The following CD163L1 variants were observed in gnomAD, a reference collection of about 807,000 sequenced individuals.
CD163L1 encodes the protein CD163 molecule like 1.
A neutral mutation model predicts 165.4 loss-of-function variants in CD163L1; 124 were observed. The observed-to-expected ratio is 0.75, with a 90% CI of 0.65 to 0.87. The LOEUF (loss-of-function observed/expected upper bound fraction) is 0.87. CD163L1 is among the 40% of genes least tolerant of loss of function. The pLI is 0.00. For missense variants in CD163L1, 1,525 were observed against 1,799.9 expected (o/e 0.85, Z 2.76); for synonymous variants, 585 against 662.2 (o/e 0.88, Z 1.79).
intron 2 of CD163L1, among the ~76,000 whole-genome samples, chr12:7,436,646 T>A (rs1480046921): frequency 6.6e-6 from 1 of 152,026 alleles, no homozygotes; most frequent in Non-Finnish European, 1.5e-5. Flanking sequence ...GTGGCACACA[T>A]CTGTAGCTGC....
intron 8 of CD163L1, among the ~76,000 whole-genome samples, chr12:7,390,316 A>G (rs1013176555): frequency 3.9e-5 from 6 of 152,114 alleles, no homozygotes; most frequent in African/African-American, 9.7e-5. Context: ...TTAAAAAACA[A>G]TATATTGTAT....
intron 4 of CD163L1, among the ~76,000 whole-genome samples, chr12:7,419,808 T>C (rs1161407085): frequency 6.6e-6 from 1 of 151,900 alleles, no homozygotes; most frequent in East Asian, 1.9e-4. Context: ...AAAAATTCAA[T>C]GAAATTCCCA....
intron 8 of CD163L1, among the ~76,000 whole-genome samples, chr12:7,388,963 TC>T (rs1251832226): frequency 6.6e-6 from 1 of 152,216 alleles, no homozygotes; most frequent in Non-Finnish European, 1.5e-5. Flanking sequence ...TGAATAGTAC[TC>T]CTTTGTGTAT....
chr12:7,346,449 T>C (rs1946670782), downstream of CD163L1, among the ~76,000 whole-genome samples: 1 of 152,200 alleles, frequency 6.6e-6, no homozygotes, highest in African/African-American at 2.4e-5. Context: ...CTTGGGTTAC[T>C]TCTTACTGAG....
At chr12:7,351,430 A>C (rs12229059), downstream of CD163L1, among the ~76,000 whole-genome samples, 9,288 of 152,182 alleles carry the variant, frequency 0.061, 377 homozygotes, top group East Asian at 0.16. Context: ...TGGCTTGCAG[A>C]CAGCCATCTT....
chr12:7,336,172 G>T, the CD163L1 span, among the ~76,000 whole-genome samples: 1 of 145,698 alleles, frequency 6.9e-6, no homozygotes, highest in Non-Finnish European at 1.5e-5. Flanking sequence ...ATACCCAAAG[G>T]ATTATAAATC....
At chr12:7,326,913 G>A in the CD163L1 span, 1 of 1,499,922 alleles carries the variant, frequency 6.7e-7, no homozygotes. Flanking sequence ...TTCAGCATTT[G>A]TTGCAAATCC....
At chr12:7,335,475 C>T in the CD163L1 span, among the ~76,000 whole-genome samples, 1 of 152,266 alleles carries the variant, frequency 6.6e-6, no homozygotes, top group East Asian at 1.9e-4. Context: ...TTCCTTACAG[C>T]TTATACAAAA....
the CD163L1 span, among the ~76,000 whole-genome samples, chr12:7,319,209 T>C: frequency 6.6e-6 from 1 of 152,124 alleles, no homozygotes; most frequent in Non-Finnish European, 1.5e-5. Flanking sequence ...ATCCCTCACA[T>C]GCACAGTTCA....
chr12:7,365,577 T>A (rs1165880012), intron 18 of CD163L1, among the ~76,000 whole-genome samples: 1 of 151,988 alleles, frequency 6.6e-6, no homozygotes, highest in Non-Finnish European at 1.5e-5. Context: ...AAAAACCAAC[T>A]AATCTGATTT....
At chr12:7,373,804 G>A (rs1019333214) in intron 13 of CD163L1, among the ~76,000 whole-genome samples, 164 bp from the exon 14 acceptor site, 15 of 152,198 alleles carry the variant, frequency 9.9e-5, no homozygotes, top group Non-Finnish European at 2.9e-5. Context: ...GAAACTAAGG[G>A]TCTTGTAAGA....
Position 7,368,926 on chromosome 12 carries a change from A to G in CD163L1, c.4072+7T>C. The G allele has an allele frequency of 6.2e-7, 1 of 1,613,640 alleles. No homozygotes were observed. On this transcript the variant is annotated splice_region_variant and intron_variant, in intron 16 of 19. Transcript: ENST00000313599. The surrounding 1 kb of genome is among the most constrained non-coding windows in gnomAD (Gnocchi z 4.3). ...TTGTGTCAGCACTGATAGGCAGAAG[A>G]CTATACCTGAGGAGGCATTCAGTGA...
chr12:7,433,611 C>T lies in CD163L1; in HGVS notation c.208G>A (p.Gly70Arg). The T allele has an allele frequency of 6.2e-7, 1 of 1,614,160 alleles. No homozygotes were observed. The highest frequency in any genetic ancestry group is 8.5e-7 in the Non-Finnish European group (1 of 1,180,006). Residue 70 changes from glycine (G) to arginine (R), a missense_variant, in exon 3 of 20, where the codon GGG becomes AGG. Physicochemically the swap from Gly to Arg is moderately radical, Grantham distance 125 (BLOSUM62 -2). Coordinates refer to ENST00000313599, the MANE Select transcript of CD163L1 (RefSeq NM_174941.6). The stretch of plus-strand genomic sequence containing the variant: ...TTCCACCCATCATCACACACAGTCC[C>T]CCACTGTCCCTGGAATTTCACCTCC... ...TVEVKFQGQW[G>R]TVCDDGWNTT...
intron 4 of CD163L1, among the ~76,000 whole-genome samples, chr12:7,417,011 T>C (rs1223145280): frequency 3.9e-5 from 6 of 152,186 alleles, no homozygotes; most frequent in African/African-American, 1.4e-4. Context: ...CTTTGGGCAG[T>C]GTGGCCATTT....
chr12:7,333,032 G>A, the CD163L1 span, among the ~76,000 whole-genome samples: 1 of 152,064 alleles, frequency 6.6e-6, no homozygotes, highest in Non-Finnish European at 1.5e-5. Context: ...CTGTATTCAG[G>A]AAACCCATCT....
At chr12:7,414,264 G>T (rs1565804915) in intron 4 of CD163L1, among the ~76,000 whole-genome samples, 1 of 152,024 alleles carries the variant, frequency 6.6e-6, no homozygotes, top group Non-Finnish European at 1.5e-5. Flanking sequence ...TCAGTAAAGA[G>T]ATAGAAACAA....
intron 2 of CD163L1, chr12:7,439,750 C>T (rs1948788603): frequency 1.2e-6 from 2 of 1,612,390 alleles, no homozygotes; most frequent in African/African-American, 2.7e-5. Flanking sequence ...ATAGCCTTTC[C>T]AGCGAACTTT....
intron 4 of CD163L1, among the ~76,000 whole-genome samples, chr12:7,417,650 T>C (rs1332833409): frequency 6.6e-6 from 1 of 152,186 alleles, no homozygotes; most frequent in Admixed American, 6.6e-5. Context: ...GAAGGTCTTT[T>C]CTGCATCTAT....
At chr12:7,346,992 T>G (rs1946675106) in exon 5 of CD163L1, 1 of 152,174 alleles carries the variant, frequency 6.6e-6, no homozygotes, top group South Asian at 2.1e-4. Context: ...TGCGGCTCAG[T>G]GGCCTATTCA....
Sources: allele counts gnomAD v4.1 joint callset (sites outside exome capture counted in the v4.1 genomes callset), GRCh38; gene constraint gnomAD v4.1.1; non-coding constraint Gnocchi (gnomAD v3.1); transcripts MANE v1.5; gene names NCBI Gene and HGNC (gene_info 2026-07-23, HGNC 2026-07-21).